The following AKAP13 variants were observed in gnomAD, a reference collection of about 807,000 sequenced individuals.
AKAP13 encodes A-kinase anchoring protein 13.
AKAP13 carries 80 observed loss-of-function variants against 264.5 expected under a neutral mutation model. That is an observed-to-expected ratio of 0.30 (90% CI 0.25 to 0.36). The LOEUF (loss-of-function observed/expected upper bound fraction) is 0.36, where lower values mean the gene tolerates loss of function less well. Among genes scored for constraint, AKAP13 ranks in the 10% least tolerant of loss-of-function variants. The pLI, the probability that AKAP13 is intolerant of heterozygous loss-of-function variation, is 1.00. For missense variants in AKAP13, 3,712 were observed against 3,435.2 expected, an observed-to-expected ratio of 1.08 and a Z score of -2.01; for synonymous variants, 1,380 against 1,250.2, an observed-to-expected ratio of 1.10 and a Z score of -2.19.
At chr15:85,734,886 T>C (rs1736267012) in intron 30 of AKAP13, 106 bp from the exon 31 acceptor site, 46 of 1,442,500 alleles carry the variant, frequency 3.2e-5, no homozygotes, top group Non-Finnish European at 4.3e-5. Context: ...CAGTCACTCT[T>C]TGGAACTTTC....
At chr15:85,633,404 G>A (rs1165822640) in intron 8 of AKAP13, among the ~76,000 whole-genome samples, 1 of 151,830 alleles carries the variant, frequency 6.6e-6, no homozygotes, top group Non-Finnish European at 1.5e-5. Flanking sequence ...CAGCTTAAAA[G>A]TGTAGTTTTG....
chr15:85,641,732 C>A (rs2082320142), intron 9 of AKAP13, among the ~76,000 whole-genome samples: 1 of 151,666 alleles, frequency 6.6e-6, no homozygotes, highest in Admixed American at 6.6e-5. Context: ...GTGATCCATC[C>A]CCCTCATCCT....
At chr15:85,389,122 C>T (rs1017380068) in intron 1 of AKAP13, among the ~76,000 whole-genome samples, 3 of 152,264 alleles carry the variant, frequency 2.0e-5, no homozygotes, top group East Asian at 1.9e-4. Context: ...TGATTCTTTG[C>T]GTGCCCTCAT....
intron 2 of AKAP13, among the ~76,000 whole-genome samples, chr15:85,508,423 G>A (rs1404825092): frequency 5.3e-5 from 8 of 151,918 alleles, no homozygotes; most frequent in African/African-American, 7.2e-5. Context: ...GATTACAGAC[G>A]TGCGCTATCG....
chr15:85,499,949 T>C (rs2151089625), intron 2 of AKAP13, among the ~76,000 whole-genome samples: 1 of 152,366 alleles, frequency 6.6e-6, no homozygotes, highest in African/African-American at 2.4e-5. Flanking sequence ...CACAGTACTT[T>C]GTGCATCATA....
chr15:85,551,157 C>T (rs143096867), intron 5 of AKAP13, among the ~76,000 whole-genome samples: 47 of 152,298 alleles, frequency 3.1e-4, no homozygotes, highest in African/African-American at 1.1e-3. Context: ...AACTCTGGTT[C>T]TCAGTGCCTT....
intron 2 of AKAP13, among the ~76,000 whole-genome samples, chr15:85,497,510 A>G (rs2075905146): frequency 6.6e-6 from 1 of 152,278 alleles, no homozygotes; most frequent in Non-Finnish European, 1.5e-5. Flanking sequence ...CTTTGGAGTA[A>G]GGCATGGAAG....
At chr15:85,538,712 A>G (rs1283931493) in intron 4 of AKAP13, among the ~76,000 whole-genome samples, 1 of 150,744 alleles carries the variant, frequency 6.6e-6, no homozygotes, top group Non-Finnish European at 1.5e-5. Flanking sequence ...GATGGTCTCG[A>G]TCTCCTGACC....
chr15:85,440,149 T>C (rs1222541161), intron 1 of AKAP13, among the ~76,000 whole-genome samples: 3 of 152,096 alleles, frequency 2.0e-5, no homozygotes, highest in African/African-American at 7.2e-5. Context: ...AGTTTGTTCA[T>C]ATAGAAGAAC....
intron 15 of AKAP13, among the ~76,000 whole-genome samples, chr15:85,683,055 T>C (rs767078379): frequency 9.2e-5 from 14 of 152,268 alleles, no homozygotes; most frequent in Non-Finnish European, 1.8e-4. Flanking sequence ...TGAAGTTTAA[T>C]TGGGGTTCCT....
intron 33 of AKAP13, among the ~76,000 whole-genome samples, chr15:85,736,655 C>T (rs932080856): frequency 3.3e-5 from 5 of 152,198 alleles, no homozygotes; most frequent in African/African-American, 9.7e-5. Flanking sequence ...GCCTTAGCCT[C>T]CCAAGGTGCT....
chr15:85,634,387 C>T (rs2081986951), intron 8 of AKAP13, among the ~76,000 whole-genome samples: 1 of 152,178 alleles, frequency 6.6e-6, no homozygotes, highest in African/African-American at 2.4e-5. Context: ...TGTCTTTGAG[C>T]ATACAAATAT....
chr15:85,693,747 G>T (rs1032606007), intron 17 of AKAP13, among the ~76,000 whole-genome samples: 5 of 152,140 alleles, frequency 3.3e-5, no homozygotes, highest in African/African-American at 9.7e-5. Flanking sequence ...TGTACTTTGA[G>T]TGCTGGTACA....
rs980782531 is a variant in AKAP13 at position 85,719,072 on chromosome 15, T to G, written c.6002-4T>G. On this transcript the variant is annotated splice_polypyrimidine_tract_variant and splice_region_variant and intron_variant, in intron 22 of 36. Coordinates refer to ENST00000394518, the MANE Select transcript of AKAP13 (RefSeq NM_007200.5). ...CTGACACTTGATCTTTTTCCTCCTT[T>G]TAGAGTTGATGCAGACAGAGTTTCA... The G allele has an allele frequency of 1.2e-6, 2 of 1,613,698 alleles. No homozygotes were observed. Among genetic ancestry groups the G allele is most frequent in the Middle Eastern group, 1.7e-4 (1 of 5,916 alleles).
At chr15:85,546,333 C>T (rs1000216111) in intron 5 of AKAP13, among the ~76,000 whole-genome samples, 6 of 150,970 alleles carry the variant, frequency 4.0e-5, no homozygotes, top group Non-Finnish European at 3.0e-5. Context: ...CACACACACA[C>T]ACACACACAC....
At chr15:85,567,253 G>A (rs542680505) in intron 5 of AKAP13, among the ~76,000 whole-genome samples, 3 of 151,968 alleles carry the variant, frequency 2.0e-5, no homozygotes, top group East Asian at 1.9e-4. Flanking sequence ...GACTACAGGC[G>A]TGTACCACCA....
At chr15:85,547,546 A>AT (rs755605806) in intron 5 of AKAP13, among the ~76,000 whole-genome samples, 22 of 69,784 alleles carry the variant, frequency 3.2e-4, no homozygotes, top group Middle Eastern at 5.4e-3. Context: ...TACTCAGGAC[A>AT]TTTTTTTTAC....
rs184088064 is a variant in AKAP13, at chr15:85,544,143, C to T, written c.662+188C>T. 78 of 739,732 alleles carry T rather than the reference C, an allele frequency of 1.1e-4. 1 individual carries two copies. Among genetic ancestry groups the T allele is most frequent in the Admixed American group, 7.8e-4 (39 of 49,712 alleles). The allele number at this position is 739,732 out of a possible 1,614,324, so 45.8% of individuals were successfully genotyped here. ...ACCACTTCATTGTCTGAGAGAGAAA[C>T]GTAAGTCGTGTTAACCATTTTCTCT... On this transcript the variant is annotated intron_variant, in intron 5 of 36. Coordinates refer to ENST00000394518, the MANE Select transcript of AKAP13 (RefSeq NM_007200.5).
At chr15:85,503,570 C>G (rs965598396) in intron 2 of AKAP13, among the ~76,000 whole-genome samples, 1 of 152,080 alleles carries the variant, frequency 6.6e-6, no homozygotes, top group Non-Finnish European at 1.5e-5. Flanking sequence ...TGCTGGGCTC[C>G]GTGACTTAGG....
Sources: allele counts gnomAD v4.1 joint callset (sites outside exome capture counted in the v4.1 genomes callset), GRCh38; gene constraint gnomAD v4.1.1; transcripts MANE v1.5; gene names NCBI Gene and HGNC (gene_info 2026-07-23, HGNC 2026-07-21).